The following CNNM3 variants were observed in gnomAD, a reference collection of about 807,000 sequenced individuals.
The protein encoded by CNNM3 is cyclin and CBS domain divalent metal cation transport mediator 3.
CNNM3 carries 47 observed loss-of-function variants against 57.1 expected under a neutral mutation model. The ratio of observed to expected loss-of-function variants is 0.82; its 90% CI spans 0.65 to 1.05. CNNM3 has a LOEUF of 1.05. CNNM3 is among the 50% of genes least tolerant of loss of function. The probability of loss-of-function intolerance (pLI) is 0.00; values close to 1 mark genes in which losing one functional copy is unlikely to be tolerated. For synonymous variants in CNNM3, 507 were observed against 478.2 expected (o/e 1.06, Z -0.79); for missense variants, 957 against 973.7 (o/e 0.98, Z 0.23).
At chr2:96,836,473 T>G (rs1275348719), downstream of CNNM3, 1 of 152,100 alleles carries the variant, frequency 6.6e-6, no homozygotes, top group Non-Finnish European at 1.5e-5. Context: ...ACTCCTGACC[T>G]CAGATGATCT....
At chr2:96,825,330 T>A in intron 2 of CNNM3, 129 bp downstream of exon 2, 1 of 1,171,464 alleles carries the variant, frequency 8.5e-7, no homozygotes, top group Non-Finnish European at 1.2e-6. Context: ...GGCCCCCTTC[T>A]GAGCCCTGCA....
intron 1 of CNNM3, among the ~76,000 whole-genome samples, chr2:96,821,670 A>C (rs1035682916): frequency 6.6e-6 from 1 of 152,216 alleles, no homozygotes; most frequent in Non-Finnish European, 1.5e-5. Flanking sequence ...TGTAAGTTGA[A>C]AATACCTTAA....
At chr2:96,819,432 A>G (rs1004587128) in intron 1 of CNNM3, among the ~76,000 whole-genome samples, 1 of 152,198 alleles carries the variant, frequency 6.6e-6, no homozygotes, top group East Asian at 1.9e-4. Context: ...GGGGAGACTC[A>G]TCAAGCACTT....
rs1491321317 is a variant in CNNM3 at position 96,834,296 on chromosome 2, A to AGAG, written c.*1681_*1683dup. On this transcript the variant is annotated 3_prime_UTR_variant, in exon 8 of 8. Transcript: ENST00000305510. Reference sequence around the variant, plus strand: ...TGCCACCAGAGCTTGTGATTTAATCAGAGTCGGCATCAGAGTTTTCAATTT... The same window carrying AGAG: ...TGCCACCAGAGCTTGTGATTTAATCAGAGGAGTCGGCATCAGAGTTTTCAATTT... 3.3e-5 allele frequency among the ~76,000 whole-genome samples: 5 copies of AGAG among 151,890 alleles called. No individual in the cohort carries two copies. Among genetic ancestry groups the AGAG allele is most frequent in the Non-Finnish European group, 5.9e-5 (4 of 68,002 alleles).
Position 96,817,084 on chromosome 2 carries a change from C to G in CNNM3, c.807C>G (p.Val269=), listed in dbSNP as rs1244248107. The part of the protein sequence containing the change: ...SRLAVLLTLP[V]ALPVGQLLEL... The stretch of plus-strand genomic sequence containing the variant: ...TGGCCGTCCTGCTCACTCTGCCCGT[C>G]GCGCTGCCCGTGGGGCAGCTGCTGG... Residue 269 remains valine, a synonymous_variant, in exon 1 of 8, where the codon GTC becomes GTG. Transcript: ENST00000305510. The G allele has an allele frequency of 7.4e-7, 1 of 1,346,802 alleles. No homozygotes were observed. Among genetic ancestry groups the G allele is most frequent in the Non-Finnish European group, 9.5e-7 (1 of 1,056,988 alleles). 83.4% of individuals were successfully genotyped at this position (1,346,802 alleles called of 1,614,324 possible).
Position 96,833,089 on chromosome 2 carries a change from G to T in CNNM3, c.*473G>T, listed in dbSNP as rs1367206580. 3.4e-6 allele frequency: 4 copies of T among 1,163,886 alleles called. No individual in the cohort carries two copies. The highest frequency in any genetic ancestry group is 4.6e-6 in the Non-Finnish European group (4 of 876,606). The allele number at this position is 1,163,886 out of a possible 1,614,324, so 72.1% of individuals were successfully genotyped here. On this transcript the variant is annotated 3_prime_UTR_variant, in exon 8 of 8. Transcript: ENST00000305510. ...GAGCAAGCCGAGAGCACCCATTTTG[G>T]CTGGGGGTTCAGATCGATGGCCTTG...
intron 7 of CNNM3, chr2:96,832,315 C>T (rs1353760003): frequency 2.0e-6 from 2 of 985,244 alleles, no homozygotes; most frequent in African/African-American, 1.7e-5. Flanking sequence ...AGCATAATGA[C>T]CTGGGACCCT....
rs1308450277 is a variant in CNNM3 at position 96,817,462 on chromosome 2, C to G, written c.1185C>G (p.Asn395Lys). The G allele has an allele frequency of 1.2e-6, 2 of 1,613,842 alleles. No individual in the cohort carries two copies. The highest frequency in any genetic ancestry group is 2.2e-5 in the East Asian group (1 of 44,882). The part of the protein sequence containing the change: ...FYNHPLHFVF[N>K]DTKLDAVLEE... Reference sequence around the variant, plus strand: ...ACCATCCGCTCCACTTCGTCTTCAACGACACCAAGCTGGACGCTGTCCTGG... The same window carrying G: ...ACCATCCGCTCCACTTCGTCTTCAAGGACACCAAGCTGGACGCTGTCCTGG... Residue 395 changes from asparagine (N) to lysine (K), a missense_variant, in exon 1 of 8, where the codon AAC (asparagine) becomes AAG (lysine). By Grantham distance (94) the Asn-to-Lys change is moderately conservative (BLOSUM62 0). Coordinates refer to ENST00000305510, the MANE Select transcript of CNNM3 (RefSeq NM_017623.5).
At position 96,817,364 on chromosome 2, in the gene CNNM3, C is replaced by A. The variant is rs1303603199; in HGVS notation, c.1087C>A (p.Leu363Ile). ...EEERSNIVDM[L>I]YLKDLAFVDP... ...GGAGCGCTCCAACATCGTGGACATG[C>A]TCTACCTCAAGGACTTGGCCTTCGT... The change falls in exon 1 of 8, where the codon CTC becomes ATC. Residue 363 changes from leucine to isoleucine, a missense_variant. Physicochemically the swap from Leu to Ile is conservative, Grantham distance 5. Coordinates refer to ENST00000305510, the MANE Select transcript of CNNM3 (RefSeq NM_017623.5). 1 of 1,614,064 alleles carries A rather than the reference C, an allele frequency of 6.2e-7. No individual in the cohort carries two copies. Among genetic ancestry groups the A allele is most frequent in the Non-Finnish European group, 8.5e-7 (1 of 1,180,042 alleles).
At position 96,829,085 on chromosome 2, in the gene CNNM3, T is replaced by C; in HGVS notation, c.2010T>C (p.Ile670=). Residue 670 remains isoleucine, a synonymous_variant, in exon 7 of 8, where the codon ATT becomes ATC. Transcript: ENST00000305510. ...QSPENTDLQV[I]PGSQTRLLGE... ...CTGAGAACACCGACCTGCAGGTTAT[T>C]CCAGGCAGCCAGACCAGGCTCCTTG... is the stretch of plus-strand genomic sequence containing the variant. 6.2e-7 allele frequency: 1 copy of C among 1,613,932 alleles called. No homozygotes were observed. Among genetic ancestry groups the C allele is most frequent in the Non-Finnish European group, 8.5e-7 (1 of 1,179,998 alleles).
Position 96,835,279 on chromosome 2 carries a change from T to C in CNNM3, c.*2663T>C, listed in dbSNP as rs996488030. Among the ~76,000 whole-genome samples, 2 of 152,186 alleles carry C rather than the reference T, an allele frequency of 1.3e-5. No homozygotes were observed. Among genetic ancestry groups the C allele is most frequent in the African/African-American group, 4.8e-5 (2 of 41,444 alleles). ...GTGTCAACAGTTTGCTCCTTTTTAT[T>C]GCTGAGTGGTATTCCGTGGTGTATG... On this transcript the variant is annotated 3_prime_UTR_variant, in exon 8 of 8. Transcript: ENST00000305510.
At position 96,828,646 on chromosome 2, in the gene CNNM3, T is replaced by C. The variant is rs775042700; in HGVS notation, c.1866T>C (p.Ser622=). 3 of 1,614,164 alleles carry C rather than the reference T, an allele frequency of 1.9e-6. No homozygotes were observed. In the Admixed American group the frequency reaches 5.0e-5, roughly 27 times the overall value. The change falls in exon 6 of 8, where the codon TCT becomes TCC. Residue 622 remains serine, a synonymous_variant. Coordinates refer to ENST00000305510, the MANE Select transcript of CNNM3 (RefSeq NM_017623.5). ...ACCCAGGTGACGGCACGCATTCATC[T>C]GCGTATTGTCCCGACTACACCGTGA... ...QPDPGDGTHS[S]AYCPDYTVRA... is the part of the protein sequence containing the mutation.
In CNNM3 at chr2:96,816,577, G is replaced by T; in HGVS notation, c.300G>T (p.Leu100=). The T allele has an allele frequency of 7.8e-7, 1 of 1,280,604 alleles. No individual in the cohort carries two copies. Among genetic ancestry groups the T allele is most frequent in the Non-Finnish European group, 9.8e-7 (1 of 1,017,166 alleles). 79.3% of individuals were successfully genotyped at this position (1,280,604 alleles called of 1,614,324 possible). A position where few individuals can be genotyped will look rare whatever the true frequency, so the allele number is the denominator to read the frequency against. ...CCCCCGCGGGCGAGTGGCGCGCGCT[G>T]CTGCGCTTGCGCCTGCGGGCCGAGG... ...AASPAGEWRA[L]LRLRLRAEAV... The change falls in exon 1 of 8, where the codon CTG becomes CTT. Residue 100 remains leucine, a synonymous_variant. Transcript: ENST00000305510.
intron 7 of CNNM3, among the ~76,000 whole-genome samples, chr2:96,830,240 C>T (rs2079578458): frequency 1.3e-5 from 2 of 152,130 alleles, no homozygotes; most frequent in Admixed American, 1.3e-4. Flanking sequence ...TTGCCTCCTC[C>T]CACCCCCACC....
chr2:96,821,274 T>C (rs2079402596), intron 1 of CNNM3, among the ~76,000 whole-genome samples: 1 of 152,194 alleles, frequency 6.6e-6, no homozygotes, highest in African/African-American at 2.4e-5. Flanking sequence ...CTTTTTGTCC[T>C]TCCTAACCTT....
chr2:96,823,249 T>C (rs1039431722), intron 1 of CNNM3, among the ~76,000 whole-genome samples: 5 of 151,974 alleles, frequency 3.3e-5, no homozygotes, highest in Non-Finnish European at 5.9e-5. Context: ...AGCAAAGGAG[T>C]GAGTCCCTTT....
rs1460336084 is a variant in CNNM3 at position 96,825,199 on chromosome 2, A to G, written c.1367A>G (p.Tyr456Cys). 1.2e-6 allele frequency: 2 copies of G among 1,613,930 alleles called. No individual in the cohort carries two copies. The highest frequency in any genetic ancestry group is 1.3e-5 in the African/African-American group (1 of 74,932). ...RSEILDESED[Y>C]RDTVVKRKPA... ...GAGATCCTGGACGAGTCTGAAGACT[A>G]CCGTGAGTCCAGACTCTTGGCAGTT... is the stretch of plus-strand genomic sequence containing the variant. Residue 456 changes from tyrosine (Y) to cysteine (C), a missense_variant and splice_region_variant, in exon 2 of 8, where the codon TAC becomes TGC. By Grantham distance (194) the Tyr-to-Cys change is radical (BLOSUM62 -2). Transcript: ENST00000305510.
rs774506985 is a variant in CNNM3 at position 96,826,923 on chromosome 2, A to G, written c.1460A>G (p.Glu487Gly). 3 of 1,614,196 alleles carry G rather than the reference A, an allele frequency of 1.9e-6. No individual in the cohort carries two copies. The highest frequency in any genetic ancestry group is 2.2e-5 in the South Asian group (2 of 91,084). ...EFSLFKVSDD[E>G]YKVTISPQLL... is the part of the protein sequence containing the mutation. Reference sequence around the variant, plus strand: ...TCCTTGTTCAAGGTGTCTGATGATGAATATAAAGTAACAATCTCGCCTCAG... The same window carrying G: ...TCCTTGTTCAAGGTGTCTGATGATGGATATAAAGTAACAATCTCGCCTCAG... The change falls in exon 3 of 8, where the codon GAA becomes GGA. Residue 487 changes from glutamate to glycine, a missense_variant. Transcript: ENST00000305510.
intron 1 of CNNM3, among the ~76,000 whole-genome samples, chr2:96,820,614 C>G: frequency 6.6e-6 from 1 of 152,266 alleles, no homozygotes. Context: ...AGACCACTTT[C>G]CCAGGGAAGG....
Sources: allele counts gnomAD v4.1 joint callset (sites outside exome capture counted in the v4.1 genomes callset), GRCh38; gene constraint gnomAD v4.1.1; transcripts MANE v1.5; gene names NCBI Gene and HGNC (gene_info 2026-07-23, HGNC 2026-07-21).